The following GBE1 variants were observed in gnomAD, a reference collection of about 807,000 sequenced individuals.
GBE1 encodes 1,4-alpha-glucan branching enzyme 1, also known as 1,4-alpha-glucan-branching enzyme.
In GBE1, 70 loss-of-function variants were observed where a neutral mutation model predicts 88.8. The ratio of observed to expected loss-of-function variants is 0.79; its 90% CI spans 0.65 to 0.96. The LOEUF (loss-of-function observed/expected upper bound fraction) is 0.96. Ranked by LOEUF, GBE1 falls within the 40% of genes least tolerant of loss-of-function variation. The pLI, the probability that GBE1 is intolerant of heterozygous loss-of-function variation, is 0.00. For synonymous variants in GBE1, 284 were observed against 300.1 expected, an observed-to-expected ratio of 0.95 and a Z score of 0.56; for missense variants, 872 against 871.0, an observed-to-expected ratio of 1.00 and a Z score of -0.01.
At chr3:81,549,036 T>C (rs895863754) in intron 12 of GBE1, among the ~76,000 whole-genome samples, 2 of 148,810 alleles carry the variant, frequency 1.3e-5, no homozygotes, top group African/African-American at 4.9e-5. Context: ...TATTCTTTTT[T>C]TTTTTTTTTT....
chr3:81,656,254 T>A (rs918297662), intron 3 of GBE1, among the ~76,000 whole-genome samples: 4 of 152,170 alleles, frequency 2.6e-5, no homozygotes, highest in Non-Finnish European at 1.5e-5. Context: ...AGATTCTTAC[T>A]CCATTTCCAG....
intron 2 of GBE1, among the ~76,000 whole-genome samples, chr3:81,691,777 A>ATAAT (rs763288773): frequency 6.6e-6 from 1 of 152,176 alleles, no homozygotes; most frequent in Non-Finnish European, 1.5e-5. Flanking sequence ...GGTCTCAAAA[A>ATAAT]TAATTAATTA....
At chr3:81,557,821 A>G (rs1210403471) in intron 12 of GBE1, among the ~76,000 whole-genome samples, 1 of 152,062 alleles carries the variant, frequency 6.6e-6, no homozygotes, top group Non-Finnish European at 1.5e-5. Flanking sequence ...TATAGAAGAA[A>G]CTGAGGAGAA....
chr3:81,671,003 T>A, intron 2 of GBE1, 50 bp from the exon 3 acceptor site: 1 of 788,668 alleles, frequency 1.3e-6, no homozygotes, highest in Non-Finnish European at 1.9e-6. Context: ...GGACTAATAG[T>A]TAATGAATTT....
intron 1 of GBE1, among the ~76,000 whole-genome samples, chr3:81,736,386 G>A (rs540724043): frequency 2.5e-4 from 38 of 152,154 alleles, no homozygotes; most frequent in Non-Finnish European, 1.9e-4. Context: ...CCATTTCCAG[G>A]TGCTGAAGTT....
intron 12 of GBE1, among the ~76,000 whole-genome samples, chr3:81,550,169 C>T (rs139605150): frequency 2.0e-5 from 3 of 151,670 alleles, no homozygotes; most frequent in African/African-American, 4.8e-5. Flanking sequence ...TTTTACTTTA[C>T]TCTTTTGGAA....
At chr3:81,573,753 T>TTCTCTC (rs1236091754) in intron 12 of GBE1, among the ~76,000 whole-genome samples, 2 of 137,334 alleles carry the variant, frequency 1.5e-5, no homozygotes, top group African/African-American at 5.6e-5. Context: ...TCAATTTGCC[T>TTCTCTC]TCTCTCTCTC....
chr3:81,575,401 A>C (rs1337628427), intron 12 of GBE1, among the ~76,000 whole-genome samples: 2 of 152,166 alleles, frequency 1.3e-5, no homozygotes, highest in African/African-American at 4.8e-5. Context: ...TAGAATACAT[A>C]AGACAAAAAC....
intron 2 of GBE1, among the ~76,000 whole-genome samples, chr3:81,674,925 A>T (rs1294736423): frequency 6.6e-6 from 1 of 152,032 alleles, no homozygotes; most frequent in Non-Finnish European, 1.5e-5. Context: ...ATAGAACTAC[A>T]CATAGAACTA....
chr3:81,535,681 T>C (rs538995481), intron 13 of GBE1, among the ~76,000 whole-genome samples: 20 of 152,174 alleles, frequency 1.3e-4, no homozygotes, highest in African/African-American at 4.6e-4. Flanking sequence ...GTAAGACTTT[T>C]AGTCTCCAGC....
At chr3:81,666,682 C>T (rs1242379870) in intron 3 of GBE1, among the ~76,000 whole-genome samples, 1 of 152,130 alleles carries the variant, frequency 6.6e-6, no homozygotes, top group African/African-American at 2.4e-5. Flanking sequence ...AACCAAAATG[C>T]CATGCCTTGG....
At chr3:81,689,838 G>C (rs1333670631) in intron 2 of GBE1, among the ~76,000 whole-genome samples, 1 of 152,128 alleles carries the variant, frequency 6.6e-6, no homozygotes, top group Non-Finnish European at 1.5e-5. Context: ...GTGGGGAGGA[G>C]CCCGGCCCCT....
chr3:81,734,016 A>G (rs150197639), intron 1 of GBE1, among the ~76,000 whole-genome samples: 2 of 152,304 alleles, frequency 1.3e-5, no homozygotes, highest in East Asian at 3.9e-4. Context: ...TACAAACAAG[A>G]TTTTATTTGA....
At chr3:81,527,340 C>A (rs1421920421) in intron 14 of GBE1, among the ~76,000 whole-genome samples, 2 of 152,058 alleles carry the variant, frequency 1.3e-5, no homozygotes, top group African/African-American at 2.4e-5. Context: ...ACACCAAAAG[C>A]AATGGCAACA....
chr3:81,655,765 A>G (rs1576187589), intron 3 of GBE1, among the ~76,000 whole-genome samples: 1 of 151,858 alleles, frequency 6.6e-6, no homozygotes, highest in East Asian at 1.9e-4. Flanking sequence ...GGTGATCCAC[A>G]TGCCTCGGTC....
At chr3:81,760,566 T>C (rs925487308) in intron 1 of GBE1, among the ~76,000 whole-genome samples, 9 of 152,248 alleles carry the variant, frequency 5.9e-5, no homozygotes, top group Non-Finnish European at 4.4e-5. Context: ...ACTTGTATAA[T>C]AGCTCTTTTA....
At chr3:81,632,225 T>C (rs1427443330) in intron 7 of GBE1, among the ~76,000 whole-genome samples, 1 of 152,170 alleles carries the variant, frequency 6.6e-6, no homozygotes, top group Non-Finnish European at 1.5e-5. Flanking sequence ...GGCATTTGGG[T>C]TGGTTCCAAG....
intron 12 of GBE1, among the ~76,000 whole-genome samples, chr3:81,537,866 T>A (rs959641483): frequency 1.3e-5 from 2 of 151,914 alleles, no homozygotes; most frequent in Admixed American, 6.6e-5. Flanking sequence ...TATAATATTA[T>A]CTCTCACTAT....
At chr3:81,549,023 G>A (rs1256934558) in intron 12 of GBE1, among the ~76,000 whole-genome samples, 1 of 90,992 alleles carries the variant, frequency 1.1e-5, no homozygotes, top group African/African-American at 3.6e-5. Flanking sequence ...AACTATTTGT[G>A]AGTATTCTTT....
Sources: gnomAD v4.1 joint callset for allele counts (sites outside exome capture counted in the v4.1 genomes callset) on GRCh38, gnomAD v4.1.1 for gene constraint, MANE v1.5 for transcripts, NCBI Gene and HGNC (gene_info 2026-07-23, HGNC 2026-07-21) for gene names.